HLA-DMA: variants seen among roughly 807,000 people sequenced by gnomAD.
HLA-DMA encodes the protein HLA class II histocompatibility antigen, DM alpha chain.
In HLA-DMA, 20 loss-of-function variants were observed where a neutral mutation model predicts 27.3. The ratio of observed to expected loss-of-function variants is 0.73; its 90% CI spans 0.52 to 1.07. The LOEUF is 1.07. Ranked by LOEUF, HLA-DMA falls within the 50% of genes least tolerant of loss-of-function variation. HLA-DMA has a pLI of 0.00. For synonymous variants in HLA-DMA, 111 were observed against 126.8 expected (o/e 0.88, Z 0.83); for missense variants, 241 against 321.7 (o/e 0.75, Z 1.92).
Position 32,950,019 on chromosome 6 carries a change from G to T in HLA-DMA, c.374-130C>A. The T allele has an allele frequency of 1.2e-6, 1 of 853,184 alleles. No homozygotes were observed. The highest frequency in any genetic ancestry group is 1.8e-6 in the Non-Finnish European group (1 of 554,452). 52.9% of individuals were successfully genotyped at this position (853,184 alleles called of 1,614,324 possible). A position where few individuals can be genotyped will look rare whatever the true frequency, so the allele number is the denominator to read the frequency against. On this transcript the variant is annotated intron_variant, in intron 2 of 4. Coordinates refer to ENST00000374843, the MANE Select transcript of HLA-DMA (RefSeq NM_006120.4). This position sits in a 1 kb window ranked among gnomAD's most constrained non-coding sequence, Gnocchi z 5.0. ...AGTGGGTCAGGCTTTGGGAGACAGA[G>T]ATGAGCGAGGAGCTGGGCTCTGAAG...
rs1561885122 is a variant in HLA-DMA at position 32,950,380 on chromosome 6, G to T, written c.373+139C>A. 9.3e-7 allele frequency: 1 copy of T among 1,077,374 alleles called. No individual in the cohort carries two copies. Among genetic ancestry groups the T allele is most frequent in the Non-Finnish European group, 1.4e-6 (1 of 727,284 alleles). The allele number at this position is 1,077,374 out of a possible 1,614,324, so 66.7% of individuals were successfully genotyped here. ...AAAAGAACACAGGGTGCAGACCAAG[G>T]CTGGTGGAAAAATTAAGGTGATGAA... On this transcript the variant is annotated intron_variant, in intron 2 of 4. Coordinates refer to ENST00000374843, the MANE Select transcript of HLA-DMA (RefSeq NM_006120.4). This position sits in a 1 kb window ranked among gnomAD's most constrained non-coding sequence, Gnocchi z 5.0.
rs930959719 is a variant in HLA-DMA at position 32,949,122 on chromosome 6, C to T, written c.781+149G>A. 12 of 1,050,548 alleles carry T rather than the reference C, an allele frequency of 1.1e-5. No homozygotes were observed. In the Admixed American group the frequency reaches 1.5e-4, roughly 13 times the overall value. The allele number at this position is 1,050,548 out of a possible 1,614,324, so 65.1% of individuals were successfully genotyped here. A position where few individuals can be genotyped will look rare whatever the true frequency, so the allele number is the denominator to read the frequency against. On this transcript the variant is annotated intron_variant, in intron 4 of 4. Transcript: ENST00000374843. The surrounding 1 kb of genome is among the most constrained non-coding windows in gnomAD (Gnocchi z 5.8). ...CTGGGTCCCCAACTGGGAAGATGTG[C>T]CCCCATGGTGCTGGATACAGGCCCC... is the stretch of plus-strand genomic sequence containing the variant.
chr6:32,949,717 G>A lies in HLA-DMA; in HGVS notation c.546C>T (p.Leu182=). 6.2e-7 allele frequency: 1 copy of A among 1,613,100 alleles called. No individual in the cohort carries two copies. ...TTAAGTAAGAAAAGGCCTGGAAGCTGAGTCCATCGACAGCTGAGACAAAAG... is the reference window on the plus strand; with the variant it reads ...TTAAGTAAGAAAAGGCCTGGAAGCTAAGTCCATCGACAGCTGAGACAAAAG... ...GPTFVSAVDG[L]SFQAFSYLNF... is the part of the protein sequence containing the mutation. The change falls in exon 3 of 5, where the codon CTC becomes CTT. Residue 182 remains leucine (L), a synonymous_variant. Transcript: ENST00000374843. The surrounding 1 kb of genome is among the most constrained non-coding windows in gnomAD (Gnocchi z 5.8).
At position 32,950,280 on chromosome 6, in the gene HLA-DMA, T is replaced by C. The variant is rs1776836683; in HGVS notation, c.373+239A>G. ...AGTGTTAATATTCAGTAGGTATCAGTTGGTACCTGTTGAATTCATCACATT... is the reference window on the plus strand; with the variant it reads ...AGTGTTAATATTCAGTAGGTATCAGCTGGTACCTGTTGAATTCATCACATT... On this transcript the variant is annotated intron_variant, in intron 2 of 4. Coordinates refer to ENST00000374843, the MANE Select transcript of HLA-DMA (RefSeq NM_006120.4). The surrounding 1 kb of genome is among the most constrained non-coding windows in gnomAD (Gnocchi z 5.0). 2 of 607,216 alleles carry C rather than the reference T, an allele frequency of 3.3e-6. No individual in the cohort carries two copies. Among genetic ancestry groups the C allele is most frequent in the Admixed American group, 5.9e-5 (2 of 34,066 alleles). 37.6% of individuals were successfully genotyped at this position (607,216 alleles called of 1,614,324 possible).
At chr6:32,952,902 T>G (rs769466606) in intron 1 of HLA-DMA, 47 bp downstream of exon 1, 14 of 1,441,982 alleles carry the variant, frequency 9.7e-6, no homozygotes, top group African/African-American at 1.4e-5. Flanking sequence ...CAAAGCTGAG[T>G]GGGCTCCCTA....
Position 32,950,861 on chromosome 6 carries a change from A to C in HLA-DMA, c.89-58T>G. On this transcript the variant is annotated intron_variant, in intron 1 of 4. Transcript: ENST00000374843. The surrounding 1 kb of genome is among the most constrained non-coding windows in gnomAD (Gnocchi z 5.0). ...TGGGAGCCTTCTCCTCCAACTTAAA[A>C]AACAGCAAGGTGGGGCTAGGCGCAG... The C allele has an allele frequency of 1.3e-6, 2 of 1,558,650 alleles. No homozygotes were observed. Among genetic ancestry groups the C allele is most frequent in the Non-Finnish European group, 1.7e-6 (2 of 1,143,966 alleles).
intron 1 of HLA-DMA, chr6:32,952,224 C>T: frequency 2.3e-6 from 1 of 430,410 alleles, no homozygotes; most frequent in Non-Finnish European, 4.8e-6. Context: ...TACAGCCTCC[C>T]CAAGCCATAG....
Position 32,949,172 on chromosome 6 carries a change from T to A in HLA-DMA, c.781+99A>T. 6.5e-7 allele frequency: 1 copy of A among 1,530,648 alleles called. No homozygotes were observed. The highest frequency in any genetic ancestry group is 9.0e-7 in the Non-Finnish European group (1 of 1,116,044). The allele number at this position is 1,530,648 out of a possible 1,614,324, so 94.8% of individuals were successfully genotyped here. Reference sequence around the variant, plus strand: ...CCACACCCAAGGGCCTGAGGATCGCTATATGTCCCCCCATGCCACAAAATA... The same window carrying A: ...CCACACCCAAGGGCCTGAGGATCGCAATATGTCCCCCCATGCCACAAAATA... On this transcript the variant is annotated intron_variant, in intron 4 of 4. Transcript: ENST00000374843. The surrounding 1 kb of genome is among the most constrained non-coding windows in gnomAD (Gnocchi z 5.8).
In HLA-DMA at chr6:32,949,175, A is replaced by T; in HGVS notation, c.781+96T>A. ...CACCCAAGGGCCTGAGGATCGCTAT[A>T]TGTCCCCCCATGCCACAAAATAATC... is the stretch of plus-strand genomic sequence containing the variant. On this transcript the variant is annotated intron_variant, in intron 4 of 4. Transcript: ENST00000374843. The surrounding 1 kb of genome is among the most constrained non-coding windows in gnomAD (Gnocchi z 5.8). The T allele has an allele frequency of 6.5e-7, 1 of 1,538,598 alleles. No individual in the cohort carries two copies. The highest frequency in any genetic ancestry group is 1.4e-5 in the African/African-American group (1 of 73,584).
chr6:32,949,971 G>A lies in HLA-DMA; in HGVS notation c.374-82C>T. 7.2e-7 allele frequency: 1 copy of A among 1,384,140 alleles called. No individual in the cohort carries two copies. The highest frequency in any genetic ancestry group is 1.0e-6 in the Non-Finnish European group (1 of 994,672). The allele number at this position is 1,384,140 out of a possible 1,614,324, so 85.7% of individuals were successfully genotyped here. A position where few individuals can be genotyped will look rare whatever the true frequency, so the allele number is the denominator to read the frequency against. ...GTGTTTGGAGGGGCCATGGCATATGGAGGGGAGGGCAGAGAAGAACACAGT... is the reference window on the plus strand; with the variant it reads ...GTGTTTGGAGGGGCCATGGCATATGAAGGGGAGGGCAGAGAAGAACACAGT... On this transcript the variant is annotated intron_variant, in intron 2 of 4. Coordinates refer to ENST00000374843, the MANE Select transcript of HLA-DMA (RefSeq NM_006120.4). The surrounding 1 kb of genome is among the most constrained non-coding windows in gnomAD (Gnocchi z 5.8).
Position 32,949,156 on chromosome 6 carries a change from A to T in HLA-DMA, c.781+115T>A. The stretch of plus-strand genomic sequence containing the variant: ...TGCTGGATACAGGCCCCCACACCCA[A>T]GGGCCTGAGGATCGCTATATGTCCC... On this transcript the variant is annotated intron_variant, in intron 4 of 4. Transcript: ENST00000374843. This position sits in a 1 kb window ranked among gnomAD's most constrained non-coding sequence, Gnocchi z 5.8. The T allele has an allele frequency of 7.1e-7, 1 of 1,410,808 alleles. No individual in the cohort carries two copies. Among genetic ancestry groups the T allele is most frequent in the South Asian group, 1.3e-5 (1 of 77,614 alleles). 87.4% of individuals were successfully genotyped at this position (1,410,808 alleles called of 1,614,324 possible).
In HLA-DMA at chr6:32,949,568, T is replaced by C. The variant is rs762207455; in HGVS notation, c.652+43A>G. On this transcript the variant is annotated intron_variant, in intron 3 of 4. Transcript: ENST00000374843. This position sits in a 1 kb window ranked among gnomAD's most constrained non-coding sequence, Gnocchi z 5.8. ...AGCCTCCTCCCATGGATCTATCCCT[T>C]TTTGCCCCCAAAAGGACCAGAATTC... 6.2e-7 allele frequency: 1 copy of C among 1,610,546 alleles called. No homozygotes were observed.
In HLA-DMA at chr6:32,950,906, C is replaced by T; in HGVS notation, c.89-103G>A. ...GCGCAGTGGCTCATGCCTGTAATCCCAGCACTTTGGGAGGCCAAGGTGGGT... is the reference window on the plus strand; with the variant it reads ...GCGCAGTGGCTCATGCCTGTAATCCTAGCACTTTGGGAGGCCAAGGTGGGT... On this transcript the variant is annotated intron_variant, in intron 1 of 4. Transcript: ENST00000374843. The surrounding 1 kb of genome is among the most constrained non-coding windows in gnomAD (Gnocchi z 5.0). The T allele has an allele frequency of 8.0e-7, 1 of 1,246,654 alleles. No individual in the cohort carries two copies. The highest frequency in any genetic ancestry group is 2.4e-5 in the East Asian group (1 of 42,242). The allele number at this position is 1,246,654 out of a possible 1,614,324, so 77.2% of individuals were successfully genotyped here.
chr6:32,950,337 T>C lies in HLA-DMA; in HGVS notation c.373+182A>G. On this transcript the variant is annotated intron_variant, in intron 2 of 4. Transcript: ENST00000374843. This position sits in a 1 kb window ranked among gnomAD's most constrained non-coding sequence, Gnocchi z 5.0. ...ATAGTTCTGAATGCCTACTACATGC[T>C]AGGTACTTCGGCCCACCAAAAGAAC... 1.4e-6 allele frequency: 1 copy of C among 718,096 alleles called. No homozygotes were observed. The allele number at this position is 718,096 out of a possible 1,614,324, so 44.5% of individuals were successfully genotyped here.
chr6:32,950,585 CTT>C lies in HLA-DMA; in HGVS notation c.305_306del (p.Lys102ArgfsTer15). ...TGCTGGATCATCCACTCGCAGAACT[CTT>C]TGTCAAATAAAATGGCAGGAGCATC... The part of the protein sequence containing the change: ...QGDAPAILFD[K>X]EFCEWMIQQI... On this transcript the variant is annotated frameshift_variant, in exon 2 of 5. Coordinates refer to ENST00000374843, the MANE Select transcript of HLA-DMA (RefSeq NM_006120.4). LOFTEE classifies it high-confidence loss of function. The surrounding 1 kb of genome is among the most constrained non-coding windows in gnomAD (Gnocchi z 5.0). The C allele has an allele frequency of 6.2e-7, 1 of 1,613,078 alleles. No individual in the cohort carries two copies.
At position 32,949,121 on chromosome 6, in the gene HLA-DMA, G is replaced by GCC; in HGVS notation, c.781+148_781+149dup. The GCC allele has an allele frequency of 9.5e-7, 1 of 1,047,298 alleles. No homozygotes were observed. The allele number at this position is 1,047,298 out of a possible 1,614,324, so 64.9% of individuals were successfully genotyped here. On this transcript the variant is annotated intron_variant, in intron 4 of 4. Coordinates refer to ENST00000374843, the MANE Select transcript of HLA-DMA (RefSeq NM_006120.4). The surrounding 1 kb of genome is among the most constrained non-coding windows in gnomAD (Gnocchi z 5.8). ...ACTGGGTCCCCAACTGGGAAGATGT[G>GCC]CCCCCATGGTGCTGGATACAGGCCC...
chr6:32,952,158 C>T (rs1178858174), intron 1 of HLA-DMA: 1 of 379,680 alleles, frequency 2.6e-6, no homozygotes, highest in Non-Finnish European at 5.4e-6. Flanking sequence ...ACTGTATTGA[C>T]TAGAGAAGGC....
chr6:32,950,047 A>G lies in HLA-DMA; in HGVS notation c.374-158T>C. The G allele has an allele frequency of 1.4e-6, 1 of 709,296 alleles. No homozygotes were observed. Among genetic ancestry groups the G allele is most frequent in the Non-Finnish European group, 2.3e-6 (1 of 434,468 alleles). The allele number at this position is 709,296 out of a possible 1,614,324, so 43.9% of individuals were successfully genotyped here. ...GAGCGAGGAGCTGGGCTCTGAAGGG[A>G]GGTCTTCTTCCAGGCAAGGACTGCA... On this transcript the variant is annotated intron_variant, in intron 2 of 4. Transcript: ENST00000374843. The surrounding 1 kb of genome is among the most constrained non-coding windows in gnomAD (Gnocchi z 5.0).
chr6:32,949,962 T>C lies in HLA-DMA; in HGVS notation c.374-73A>G. ...GGTATCTCTGTGTTTGGAGGGGCCA[T>C]GGCATATGGAGGGGAGGGCAGAGAA... On this transcript the variant is annotated intron_variant, in intron 2 of 4. Transcript: ENST00000374843. The surrounding 1 kb of genome is among the most constrained non-coding windows in gnomAD (Gnocchi z 5.8). 3.4e-6 allele frequency: 5 copies of C among 1,473,838 alleles called. No homozygotes were observed. The highest frequency in any genetic ancestry group is 3.7e-6 in the Non-Finnish European group (4 of 1,070,422). The allele number at this position is 1,473,838 out of a possible 1,614,324, so 91.3% of individuals were successfully genotyped here.
Sources: gnomAD v4.1 joint callset for allele counts on GRCh38, gnomAD v4.1.1 for gene constraint, Gnocchi (gnomAD v3.1) non-coding constraint, MANE v1.5 for transcripts, NCBI Gene and HGNC (gene_info 2026-07-23, HGNC 2026-07-21) for gene names.